CDKAL1: variants seen among roughly 807,000 people sequenced by gnomAD.
CDKAL1 encodes threonylcarbamoyladenosine tRNA methylthiotransferase.
In CDKAL1, 32 loss-of-function variants were observed where a neutral mutation model predicts 68.2. That is an observed-to-expected ratio of 0.47 (90% CI 0.35 to 0.63). The LOEUF is 0.63. CDKAL1 is among the 30% of genes least tolerant of loss of function. The pLI, the probability that CDKAL1 is intolerant of heterozygous loss-of-function variation, is 0.00. For missense variants in CDKAL1, 606 were observed against 696.7 expected (o/e 0.87, Z 1.47); for synonymous variants, 234 against 244.3 (o/e 0.96, Z 0.39).
rs113353197 is a variant in CDKAL1, at chr6:20,640,377, A to G, written c.287-8916A>G. Reference sequence around the variant, plus strand: ...AAGATAAAGGTTTGTTCTCCTGAATAGTGTTGATGTGAACCGTGCTGTCTC... The same window carrying G: ...AAGATAAAGGTTTGTTCTCCTGAATGGTGTTGATGTGAACCGTGCTGTCTC... On this transcript the variant is annotated intron_variant, in intron 4 of 15. Transcript: ENST00000274695. Among the ~76,000 whole-genome samples the G allele has an allele frequency of 4.4e-3, 670 of 152,302 alleles. 5 individuals carry two copies. The highest frequency in any genetic ancestry group is 0.015 in the African/African-American group (636 of 41,546).
Position 21,185,805 on chromosome 6 carries a change from C to T in CDKAL1, c.1300-12216C>T, listed in dbSNP as rs115279444. Among the ~76,000 whole-genome samples, 1,170 of 152,120 alleles carry T rather than the reference C, an allele frequency of 7.7e-3. 16 individuals carry two copies. Among genetic ancestry groups the T allele is most frequent in the African/African-American group, 0.027 (1,103 of 41,478 alleles). ...TAGATCAATTTTCTTTCAAGAAAGA[C>T]GTTTTAGAAGAAGTAGTATTCATTT... On this transcript the variant is annotated intron_variant, in intron 13 of 15. Coordinates refer to ENST00000274695, the MANE Select transcript of CDKAL1 (RefSeq NM_017774.3).
chr6:21,000,676 T>C (rs753304030), intron 11 of CDKAL1, among the ~76,000 whole-genome samples: 4 of 152,380 alleles, frequency 2.6e-5, no homozygotes, highest in Non-Finnish European at 4.4e-5. Context: ...CTGCTTTAGC[T>C]TTGCTCTGTG....
chr6:21,230,777 C>G (rs533686223), intron 15 of CDKAL1, 71 bp from the exon 16 acceptor site: 2 of 1,232,360 alleles, frequency 1.6e-6, no homozygotes. Context: ...GAACCCATTG[C>G]TTGATTGATA....
intron 5 of CDKAL1, among the ~76,000 whole-genome samples, chr6:20,653,431 G>A (rs1323706007): frequency 3.3e-5 from 5 of 152,128 alleles, no homozygotes; most frequent in South Asian, 2.1e-4. Flanking sequence ...ATGGTATTTC[G>A]TTTTGGTTTT....
intron 10 of CDKAL1, among the ~76,000 whole-genome samples, chr6:20,977,643 C>G (rs994612609): frequency 3.3e-5 from 5 of 152,238 alleles, no homozygotes; most frequent in African/African-American, 9.6e-5. Flanking sequence ...TTTGGGAAGC[C>G]AAGGTGGGCG....
At chr6:20,786,902 G>A (rs192266245) in intron 8 of CDKAL1, among the ~76,000 whole-genome samples, 7 of 152,216 alleles carry the variant, frequency 4.6e-5, no homozygotes, top group East Asian at 1.9e-4. Flanking sequence ...AAGGACATCT[G>A]TGCTTTATTT....
At chr6:20,921,899 G>A (rs111707267) in intron 9 of CDKAL1, among the ~76,000 whole-genome samples, 1 of 152,134 alleles carries the variant, frequency 6.6e-6, no homozygotes, top group African/African-American at 2.4e-5. Flanking sequence ...TTTTAGGAAG[G>A]AAGAATAAGT....
At chr6:21,150,351 A>G (rs1326874832) in intron 13 of CDKAL1, among the ~76,000 whole-genome samples, 1 of 152,194 alleles carries the variant, frequency 6.6e-6, no homozygotes, top group African/African-American at 2.4e-5. Context: ...GCTAAAAATC[A>G]AAACTCCTGA....
chr6:21,086,071 C>A lies in CDKAL1; in HGVS notation c.1236+20843C>A, dbSNP rs1772675535. Among the ~76,000 whole-genome samples, 3 of 152,294 alleles carry A rather than the reference C, an allele frequency of 2.0e-5. No homozygotes were observed. The South Asian group carries it at 6.2e-4, about 32-fold the overall frequency. On this transcript the variant is annotated intron_variant, in intron 12 of 15. Transcript: ENST00000274695. ...ACCTTGTGTAGTGCTTGCCGCCTTG[C>A]ACTGTTTTGGTGTTTTATATATGTT...
Position 20,551,488 on chromosome 6 carries a change from C to T in CDKAL1, c.286+2783C>T, listed in dbSNP as rs190779407. On this transcript the variant is annotated intron_variant, in intron 4 of 15. Transcript: ENST00000274695. Reference sequence around the variant, plus strand: ...GTTCATGTCGTTCTCCTGCCTCAGCCTCTCGAGTAGCTGGGACTACAGGTG... The same window carrying T: ...GTTCATGTCGTTCTCCTGCCTCAGCTTCTCGAGTAGCTGGGACTACAGGTG... Among the ~76,000 whole-genome samples the T allele has an allele frequency of 1.4e-3, 218 of 151,992 alleles. 1 individual carries two copies. The highest frequency in any genetic ancestry group is 4.5e-3 in the Admixed American group (68 of 15,252).
chr6:20,592,468 CTTT>C (rs34023799), intron 4 of CDKAL1, among the ~76,000 whole-genome samples: 5 of 130,418 alleles, frequency 3.8e-5, no homozygotes, highest in East Asian at 2.3e-4. Flanking sequence ...ATGCTTCCAG[CTTT>C]TTTTTTTTTT....
At chr6:21,158,935 G>A (rs952409505) in intron 13 of CDKAL1, among the ~76,000 whole-genome samples, 2 of 152,018 alleles carry the variant, frequency 1.3e-5, no homozygotes, top group African/African-American at 4.8e-5. Context: ...TTGTGATCAT[G>A]TGTATAATTA....
intron 6 of CDKAL1, among the ~76,000 whole-genome samples, chr6:20,749,323 C>A (rs1773810996): frequency 6.6e-6 from 1 of 152,146 alleles, no homozygotes; most frequent in South Asian, 2.1e-4. Flanking sequence ...TCATCTCTTA[C>A]CACTGTGTCC....
intron 7 of CDKAL1, among the ~76,000 whole-genome samples, chr6:20,778,667 G>A (rs1307964575): frequency 6.6e-6 from 1 of 152,172 alleles, no homozygotes; most frequent in Non-Finnish European, 1.5e-5. Context: ...AGCCAATGGT[G>A]TTAAGTTACA....
intron 5 of CDKAL1, among the ~76,000 whole-genome samples, chr6:20,712,749 G>A (rs999156051): frequency 2.0e-5 from 3 of 151,852 alleles, no homozygotes; most frequent in Admixed American, 6.6e-5. Context: ...GGATCAAGTC[G>A]TTCTCCTGCC....
At chr6:21,045,433 T>G (rs943712676) in intron 11 of CDKAL1, among the ~76,000 whole-genome samples, 11 of 152,190 alleles carry the variant, frequency 7.2e-5, no homozygotes, top group Admixed American at 2.6e-4. Flanking sequence ...GTGTTTGTTT[T>G]CTCCCTGACT....
intron 9 of CDKAL1, among the ~76,000 whole-genome samples, chr6:20,944,482 G>T (rs1468935315): frequency 6.6e-6 from 1 of 152,190 alleles, no homozygotes; most frequent in Admixed American, 6.5e-5. Flanking sequence ...AAGTAGCTGG[G>T]ATTACAGGGG....
chr6:21,034,184 A>T (rs1561977794), intron 11 of CDKAL1, among the ~76,000 whole-genome samples: 1 of 152,208 alleles, frequency 6.6e-6, no homozygotes, highest in African/African-American at 2.4e-5. Flanking sequence ...GCCCGTCAGG[A>T]GTTCTAGAAG....
intron 13 of CDKAL1, among the ~76,000 whole-genome samples, chr6:21,120,425 T>C (rs1042386312): frequency 6.6e-5 from 10 of 152,236 alleles, no homozygotes; most frequent in African/African-American, 2.2e-4. Flanking sequence ...CCAGTAGTAA[T>C]AACCACAGCT....
Sources: gnomAD v4.1 joint callset for allele counts (sites outside exome capture counted in the v4.1 genomes callset) on GRCh38, gnomAD v4.1.1 for gene constraint, MANE v1.5 for transcripts, NCBI Gene and HGNC (gene_info 2026-07-23, HGNC 2026-07-21) for gene names.